Variants in HNF1A observed in about 807,000 individuals in gnomAD.
The protein encoded by HNF1A is hepatocyte nuclear factor 1-alpha.
In HNF1A, 21 loss-of-function variants were observed where a neutral mutation model predicts 62.2. The ratio of observed to expected loss-of-function variants is 0.34; its 90% CI spans 0.24 to 0.49. HNF1A has a LOEUF of 0.49. Ranked by LOEUF, HNF1A falls within the 20% of genes least tolerant of loss-of-function variation. The pLI is 0.99. For missense variants in HNF1A, 687 were observed against 832.3 expected (o/e 0.83, Z 2.15); for synonymous variants, 374 against 366.8 (o/e 1.02, Z -0.22).
intron 1 of HNF1A, among the ~76,000 whole-genome samples, chr12:120,985,041 G>A (rs893929369): frequency 3.3e-5 from 5 of 151,670 alleles, no homozygotes; most frequent in Non-Finnish European, 7.4e-5. Context: ...GACCTCTCGG[G>A]CTCAAGAGAT....
At chr12:120,990,308 A>AT (rs1380784726) in intron 2 of HNF1A, among the ~76,000 whole-genome samples, 1 of 151,828 alleles carries the variant, frequency 6.6e-6, no homozygotes, top group African/African-American at 2.4e-5. Flanking sequence ...CGCCCAGCTA[A>AT]TTTTTTGTAT....
intron 7 of HNF1A, chr12:120,997,998 G>A (rs1877205812): frequency 1.0e-5 from 6 of 588,742 alleles, no homozygotes; most frequent in East Asian, 2.9e-5. Context: ...GGTAATCTGG[G>A]GCCAGGCGTG....
chr12:120,994,604 C>A (rs1475310106), intron 4 of HNF1A, among the ~76,000 whole-genome samples, 199 bp downstream of exon 4: 1 of 151,498 alleles, frequency 6.6e-6, no homozygotes, highest in Admixed American at 6.6e-5. Flanking sequence ...CTCCTTTCCA[C>A]TCTATTCACT....
Position 120,978,703 on chromosome 12 carries a change from CCCA to C in HNF1A, c.-64_-62del, listed in dbSNP as rs747774978. On this transcript the variant is annotated 5_prime_UTR_variant, in exon 1 of 10. Transcript: ENST00000257555. ...TCTGCCGGCCGGCAGGCAAACGCAA[CCCA>C]CGCGGTGGGGGAGGCGGCTAGCGTG... 33 of 1,491,160 alleles carry C rather than the reference CCCA, an allele frequency of 2.2e-5. No homozygotes were observed. Among genetic ancestry groups the C allele is most frequent in the Admixed American group, 6.7e-5 (4 of 59,782 alleles). The allele number at this position is 1,491,160 out of a possible 1,614,324, so 92.4% of individuals were successfully genotyped here. A position where few individuals can be genotyped will look rare whatever the true frequency, so the allele number is the denominator to read the frequency against.
In HNF1A at chr12:120,996,227, G is replaced by C. The variant is rs375584504; in HGVS notation, c.956-35G>C. 6.2e-7 allele frequency: 1 copy of C among 1,612,474 alleles called. No individual in the cohort carries two copies. Among genetic ancestry groups the C allele is most frequent in the African/African-American group, 1.3e-5 (1 of 74,870 alleles). On this transcript the variant is annotated intron_variant, in intron 4 of 9. Coordinates refer to ENST00000257555, the MANE Select transcript of HNF1A (RefSeq NM_000545.8). The surrounding 1 kb of genome is among the most constrained non-coding windows in gnomAD (Gnocchi z 4.5). ...TGGAGGCAGGGGAGGGCAGGGAAGT[G>C]GGGTGCTGAGGCAGGACACTGCTTC...
At chr12:120,984,558 G>A (rs1034355003) in intron 1 of HNF1A, among the ~76,000 whole-genome samples, 29 of 152,044 alleles carry the variant, frequency 1.9e-4, no homozygotes, top group African/African-American at 6.0e-4. Context: ...GGGGAGGGGA[G>A]GCATCAGGCA....
In HNF1A at chr12:120,978,965, A is replaced by T; in HGVS notation, c.197A>T (p.Glu66Val). ...ELAELPNGLGETRGSEDETDD... is the reference protein window; with the variant it reads ...ELAELPNGLGVTRGSEDETDD... ...GCTGAGCTGCCCAATGGGCTGGGGG[A>T]GACTCGGGGCTCCGAGGACGAGACG... The change falls in exon 1 of 10, where the codon GAG (glutamate) becomes GTG (valine). Residue 66 changes from glutamate to valine, a missense_variant. Around this residue, in one of 5 missense-constraint regions of HNF1A, gnomAD observed 159 missense variants for 154.4 expected, o/e 1.03. Transcript: ENST00000257555. 4.4e-6 allele frequency: 7 copies of T among 1,608,372 alleles called. No homozygotes were observed. The highest frequency in any genetic ancestry group is 5.9e-6 in the Non-Finnish European group (7 of 1,177,514).
chr12:120,998,045 C>A, intron 7 of HNF1A: 1 of 486,388 alleles, frequency 2.1e-6, no homozygotes, highest in Non-Finnish European at 3.8e-6. Context: ...TTTGGAAGGC[C>A]GAGGTGGGCA....
Position 121,002,127 on chromosome 12 carries a change from A to C in HNF1A, c.*935A>C. ...GCTCACAAGGCAGCAAGGCCCGAGC[A>C]GCTGAGCAGGGCCGGGGAACTGGCC... On this transcript the variant is annotated 3_prime_UTR_variant, in exon 10 of 10. Coordinates refer to ENST00000257555, the MANE Select transcript of HNF1A (RefSeq NM_000545.8). 1.9e-6 allele frequency: 1 copy of C among 528,908 alleles called. No individual in the cohort carries two copies. The highest frequency in any genetic ancestry group is 1.9e-5 in the African/African-American group (1 of 53,852). The allele number at this position is 528,908 out of a possible 1,614,324, so 32.8% of individuals were successfully genotyped here.
intron 7 of HNF1A, chr12:120,997,908 A>G (rs1466137289): frequency 3.0e-6 from 2 of 676,684 alleles, no homozygotes; most frequent in Non-Finnish European, 5.5e-6. Context: ...TCGGTTGTGC[A>G]TGCATTTGTG....
chr12:120,999,307 A>G lies in HNF1A; in HGVS notation c.1541A>G (p.His514Arg), dbSNP rs202039659. 381 of 1,613,828 alleles carry G rather than the reference A, an allele frequency of 2.4e-4. 1 individual carries two copies. Among genetic ancestry groups the G allele is most frequent in the Middle Eastern group, 3.3e-4 (2 of 6,062 alleles). Residue 514 changes from histidine to arginine, a missense_variant, in exon 8 of 10, where the codon CAC (histidine) becomes CGC (arginine). His to Arg is a conservative substitution (Grantham distance 29). Around this residue, in one of 5 missense-constraint regions of HNF1A, gnomAD observed 408 missense variants for 455.3 expected, o/e 0.90. Transcript: ENST00000257555. ...AAGCCCGAGGTGGCCCAGTACACCC[A>G]CACGGGCCTGCTCCCGCAGACTATG... ...SHKPEVAQYT[H>R]TGLLPQTMLI... is the part of the protein sequence containing the mutation.
intron 2 of HNF1A, among the ~76,000 whole-genome samples, chr12:120,990,321 TTAG>T (rs1876757136): frequency 6.6e-6 from 1 of 151,994 alleles, no homozygotes; most frequent in Non-Finnish European, 1.5e-5. Context: ...TTTTGTATTT[TTAG>T]TAGAGTCGGG....
intron 2 of HNF1A, among the ~76,000 whole-genome samples, chr12:120,991,452 G>A (rs1876830219): frequency 6.6e-6 from 1 of 152,218 alleles, no homozygotes; most frequent in Admixed American, 6.5e-5. Context: ...AAATTAGCTG[G>A]ACATAGTGGC....
At position 121,001,781 on chromosome 12, in the gene HNF1A, C is replaced by T. The variant is rs55962050; in HGVS notation, c.*589C>T. ...CCTGGGTGGCTACTCTGTGCCAGAG[C>T]CTGGGGCTCTAACGCCTGAGCCCAG... is the stretch of plus-strand genomic sequence containing the variant. On this transcript the variant is annotated 3_prime_UTR_variant, in exon 10 of 10. Transcript: ENST00000257555. The T allele has an allele frequency of 1.4e-3, 732 of 536,300 alleles. 9 individuals carry two copies. The highest frequency in any genetic ancestry group is 0.012 in the African/African-American group (632 of 54,078). The allele number at this position is 536,300 out of a possible 1,614,324, so 33.2% of individuals were successfully genotyped here.
At chr12:120,979,954 T>G (rs970637485) in intron 1 of HNF1A, among the ~76,000 whole-genome samples, 1 of 151,422 alleles carries the variant, frequency 6.6e-6, no homozygotes, top group Admixed American at 6.6e-5. Flanking sequence ...CTAGTGGGGG[T>G]GGGGGATGGG....
chr12:120,993,131 C>G (rs1414569517), intron 2 of HNF1A, among the ~76,000 whole-genome samples: 2 of 152,198 alleles, frequency 1.3e-5, no homozygotes, highest in African/African-American at 4.8e-5. Flanking sequence ...AATTTTTGCT[C>G]TACTGCGTGA....
chr12:120,994,535 T>A, intron 4 of HNF1A, 130 bp downstream of exon 4: 1 of 951,416 alleles, frequency 1.1e-6, no homozygotes, highest in Non-Finnish European at 1.6e-6. Context: ...CCACTCCTTA[T>A]CACTCTACTT....
At chr12:120,998,249 T>C (rs2135848995) in intron 7 of HNF1A, 1 of 167,556 alleles carries the variant, frequency 6.0e-6, no homozygotes, top group South Asian at 1.6e-4. Flanking sequence ...TGCACTGCAC[T>C]CCAGCCTGGG....
chr12:120,990,652 G>GTAGGAAAGGGAGGAAAGA lies in HNF1A; in HGVS notation c.526+1637_526+1638insATAGGAAAGGGAGGAAAG, dbSNP rs1565884528. Among the ~76,000 whole-genome samples, 125 of 96,570 alleles carry GTAGGAAAGGGAGGAAAGA rather than the reference G, an allele frequency of 1.3e-3. 1 individual carries two copies. Among genetic ancestry groups the GTAGGAAAGGGAGGAAAGA allele is most frequent in the African/African-American group, 4.3e-3 (100 of 23,450 alleles). 63.4% of individuals were successfully genotyped at this position (96,570 alleles called of 152,430 possible). A position where few individuals can be genotyped will look rare whatever the true frequency, so the allele number is the denominator to read the frequency against. On this transcript the variant is annotated intron_variant, in intron 2 of 9. Transcript: ENST00000257555. ...AGGAAAGATAGGAAAGGGAGGAAAG[G>GTAGGAAAGGGAGGAAAGA]TAGGAAAGGGAGGAAAGGTAGGAAA...
Sources: allele counts gnomAD v4.1 joint callset (sites outside exome capture counted in the v4.1 genomes callset), GRCh38; gene constraint gnomAD v4.1.1; regional missense constraint gnomAD v4.1.1; non-coding constraint Gnocchi (gnomAD v3.1); transcripts MANE v1.5; gene names NCBI Gene and HGNC (gene_info 2026-07-23, HGNC 2026-07-21).